The following AP3B1 variants were observed in gnomAD, a reference collection of about 807,000 sequenced individuals.
AP3B1 encodes the protein AP-3 complex subunit beta-1.
In AP3B1, 61 loss-of-function variants were observed where a neutral mutation model predicts 132.5. The observed-to-expected ratio is 0.46, with a 90% CI of 0.37 to 0.57. The LOEUF (loss-of-function observed/expected upper bound fraction) is 0.57. Among genes scored for constraint, AP3B1 ranks in the 20% least tolerant of loss-of-function variants. The pLI is 0.00. For missense variants in AP3B1, 1,120 were observed against 1,289.4 expected, an observed-to-expected ratio of 0.87 and a Z score of 2.01; for synonymous variants, 388 against 438.3, an observed-to-expected ratio of 0.89 and a Z score of 1.43.
intron 1 of AP3B1, among the ~76,000 whole-genome samples, chr5:78,278,145 C>T (rs1428329050): frequency 6.6e-6 from 1 of 152,104 alleles, no homozygotes; most frequent in East Asian, 1.9e-4. Context: ...TGTTTTTAAA[C>T]AGTGAAAAGG....
chr5:78,110,385 A>G (rs767729065), intron 19 of AP3B1, 31 bp from the exon 20 acceptor site: 1 of 1,535,360 alleles, frequency 6.5e-7, no homozygotes, highest in Non-Finnish European at 9.0e-7. Flanking sequence ...TGAAATATGA[A>G]CTTTAACTCC....
intron 21 of AP3B1, among the ~76,000 whole-genome samples, chr5:78,091,283 A>AG (rs1321957958): frequency 1.5e-3 from 220 of 151,346 alleles, no homozygotes; most frequent in African/African-American, 5.2e-3. Context: ...TTGACAAAAA[A>AG]AAAAAAAAAA....
chr5:78,032,153 A>G (rs1561363806), intron 24 of AP3B1, among the ~76,000 whole-genome samples: 2 of 152,216 alleles, frequency 1.3e-5, no homozygotes, highest in Admixed American at 6.5e-5. Context: ...AGTTCTGTCT[A>G]TATCTATTTA....
chr5:78,068,220 C>T (rs114733507), intron 22 of AP3B1, among the ~76,000 whole-genome samples: 8 of 152,086 alleles, frequency 5.3e-5, no homozygotes, highest in Non-Finnish European at 8.8e-5. Flanking sequence ...GCTATCGGGA[C>T]GCTAAGGCAA....
chr5:78,025,705 G>T (rs1357390361), intron 24 of AP3B1, among the ~76,000 whole-genome samples: 1 of 152,160 alleles, frequency 6.6e-6, no homozygotes, highest in Non-Finnish European at 1.5e-5. Flanking sequence ...CAAAAAGGTG[G>T]AAGACCTTAC....
chr5:78,026,222 A>G (rs948204016), intron 24 of AP3B1, among the ~76,000 whole-genome samples: 2 of 152,246 alleles, frequency 1.3e-5, no homozygotes, highest in African/African-American at 4.8e-5. Flanking sequence ...TACCAGATCA[A>G]TGAAGCACTA....
rs906942903 is a variant in AP3B1, at chr5:78,129,292, G to C, written c.1666C>G (p.Gln556Glu). The C allele has an allele frequency of 8.1e-6, 13 of 1,612,174 alleles. No individual in the cohort carries two copies. The highest frequency in any genetic ancestry group is 1.1e-5 in the Non-Finnish European group (13 of 1,178,514). ...TACTTGCCGAGATTTAATATGTACT[G>C]GGTAAGCAATTTTGTCTGTTGGAAA... ...TNSKQTKLLT[Q>E]YILNLGKYDQ... is the part of the protein sequence containing the mutation. Residue 556 changes from glutamine (Q) to glutamate (E), a missense_variant, in exon 16 of 27, where the codon CAG (glutamine) becomes GAG (glutamate). Transcript: ENST00000255194.
At chr5:78,240,749 C>A in intron 3 of AP3B1, 113 bp downstream of exon 3, 1 of 739,650 alleles carries the variant, frequency 1.4e-6, no homozygotes, top group Non-Finnish European at 2.4e-6. Context: ...ACATTTTAAT[C>A]ATAACAAAAA....
intron 17 of AP3B1, among the ~76,000 whole-genome samples, chr5:78,125,863 G>A (rs887544054): frequency 6.6e-6 from 1 of 152,148 alleles, no homozygotes; most frequent in African/African-American, 2.4e-5. Flanking sequence ...GGTAGTTAAT[G>A]CTTAGAAGAG....
rs116195832 is a variant in AP3B1 at position 78,032,313 on chromosome 5, T to C, written c.2894+2048A>G. Among the ~76,000 whole-genome samples the C allele has an allele frequency of 4.0e-3, 607 of 152,358 alleles. 7 individuals are homozygous for C. Among genetic ancestry groups the C allele is most frequent in the African/African-American group, 0.014 (576 of 41,580 alleles). ...ATTTCTGAAGGCTTCTTATCAAATA[T>C]GCTGTTATTACCCATAATTTTATGT... On this transcript the variant is annotated intron_variant, in intron 24 of 26. Transcript: ENST00000255194.
At chr5:78,279,907 A>AATATATATATATATATATAT (rs55881507) in intron 1 of AP3B1, among the ~76,000 whole-genome samples, 36 of 114,354 alleles carry the variant, frequency 3.1e-4, no homozygotes, top group African/African-American at 1.1e-3. Context: ...ATATGACTTA[A>AATATATATATATATATATAT]ATATATATAT....
chr5:78,220,369 C>T (rs888476187), intron 6 of AP3B1, among the ~76,000 whole-genome samples: 2 of 149,376 alleles, frequency 1.3e-5, no homozygotes, highest in African/African-American at 4.9e-5. Context: ...AACTTCAAAA[C>T]AGAGAATCTC....
At chr5:78,233,773 C>G (rs1369109784) in intron 3 of AP3B1, among the ~76,000 whole-genome samples, 1 of 152,054 alleles carries the variant, frequency 6.6e-6, no homozygotes, top group Admixed American at 6.5e-5. Context: ...GAAAGTAAGG[C>G]TCAGAGGTTT....
chr5:78,110,684 C>CTGTGTG (rs144921350), intron 19 of AP3B1, among the ~76,000 whole-genome samples: 3,930 of 143,512 alleles, frequency 0.027, 105 homozygotes, highest in African/African-American at 0.063. Context: ...AATACTGTGC[C>CTGTGTG]TGTGTGTGTG....
intron 20 of AP3B1, among the ~76,000 whole-genome samples, chr5:78,104,002 T>A (rs2112238992): frequency 6.6e-6 from 1 of 152,194 alleles, no homozygotes; most frequent in Non-Finnish European, 1.5e-5. Context: ...ATGACAAGCA[T>A]CAAATATGCA....
intron 15 of AP3B1, among the ~76,000 whole-genome samples, chr5:78,140,336 G>A (rs1038878879): frequency 6.6e-6 from 1 of 152,168 alleles, no homozygotes; most frequent in Non-Finnish European, 1.5e-5. Flanking sequence ...ACTGCAAAAT[G>A]TCTTAGTCCA....
At chr5:78,149,003 A>G (rs1234314416) in intron 14 of AP3B1, among the ~76,000 whole-genome samples, 1 of 152,174 alleles carries the variant, frequency 6.6e-6, no homozygotes, top group Non-Finnish European at 1.5e-5. Flanking sequence ...TGAGAAAAAA[A>G]GCTTAACCTC....
chr5:78,098,509 C>A (rs1370260054), intron 21 of AP3B1, among the ~76,000 whole-genome samples: 1 of 152,066 alleles, frequency 6.6e-6, no homozygotes, highest in Non-Finnish European at 1.5e-5. Flanking sequence ...ATGTACTTTA[C>A]TGTTATTCTT....
rs1747980940 is a variant in AP3B1, at chr5:78,259,264, A to G, written c.204+8256T>C. On this transcript the variant is annotated intron_variant, in intron 2 of 26. Coordinates refer to ENST00000255194, the MANE Select transcript of AP3B1 (RefSeq NM_003664.5). The stretch of plus-strand genomic sequence containing the variant: ...TCCATCTCAAAAAAAAAAAAAAGAA[A>G]GAAAGAAAGACAAACATTTCATGTT... Among the ~76,000 whole-genome samples, 3 of 151,824 alleles carry G rather than the reference A, an allele frequency of 2.0e-5. No homozygotes were observed. In the South Asian group the frequency reaches 6.2e-4, roughly 32 times the overall value.
Sources: gnomAD v4.1 joint callset for allele counts (sites outside exome capture counted in the v4.1 genomes callset) on GRCh38, gnomAD v4.1.1 for gene constraint, MANE v1.5 for transcripts, NCBI Gene and HGNC (gene_info 2026-07-23, HGNC 2026-07-21) for gene names.